VPS13A: variants seen among roughly 807,000 people sequenced by gnomAD.
The protein encoded by VPS13A is vacuolar protein sorting 13 homolog A.
In VPS13A, 264 loss-of-function variants were observed where a neutral mutation model predicts 390.9. That is an observed-to-expected ratio of 0.68 (90% confidence interval 0.61 to 0.75). The LOEUF (loss-of-function observed/expected upper bound fraction) is 0.75, where lower values mean the gene tolerates loss of function less well. Ranked by LOEUF, VPS13A falls within the 30% of genes least tolerant of loss-of-function variation. The probability of loss-of-function intolerance (pLI) is 0.00; values close to 1 mark genes in which losing one functional copy is unlikely to be tolerated. For missense variants in VPS13A, 3,409 were observed against 3,733.9 expected, an observed-to-expected ratio of 0.91 and a Z score of 2.27; for synonymous variants, 1,231 against 1,227.1, an observed-to-expected ratio of 1.00 and a Z score of -0.07.
chr9:77,229,914 A>G (rs958240375), intron 17 of VPS13A, among the ~76,000 whole-genome samples: 1 of 152,188 alleles, frequency 6.6e-6, no homozygotes, highest in Non-Finnish European at 1.5e-5. Context: ...ATTTCTTCAT[A>G]TCTTCATCAA....
intron 10 of VPS13A, among the ~76,000 whole-genome samples, chr9:77,219,402 C>A (rs1426165338): frequency 6.6e-6 from 1 of 151,938 alleles, no homozygotes; most frequent in African/African-American, 2.4e-5. Context: ...TGTTCTTATT[C>A]TTTTTGGCAC....
chr9:77,249,617 A>G (rs916798750), intron 20 of VPS13A, among the ~76,000 whole-genome samples: 14 of 152,234 alleles, frequency 9.2e-5, no homozygotes, highest in South Asian at 4.1e-4. Context: ...CAGTATGCCA[A>G]TAAAGGAGAG....
At chr9:77,180,426 G>T (rs1316953424) in intron 1 of VPS13A, among the ~76,000 whole-genome samples, 1 of 152,166 alleles carries the variant, frequency 6.6e-6, no homozygotes. Context: ...CTTTTGCAGA[G>T]CATACATTTT....
At chr9:77,358,522 A>G in intron 57 of VPS13A, 84 bp downstream of exon 57, 3 of 1,190,836 alleles carry the variant, frequency 2.5e-6, no homozygotes, top group Non-Finnish European at 1.2e-6. Context: ...AAGTGAAACC[A>G]TTCTTGGGTT....
intron 45 of VPS13A, among the ~76,000 whole-genome samples, chr9:77,323,848 T>C (rs895100204): frequency 9.2e-5 from 14 of 151,760 alleles, no homozygotes; most frequent in African/African-American, 2.4e-4. Flanking sequence ...TGTCAACTTA[T>C]GTGTATCCAT....
intron 1 of VPS13A, among the ~76,000 whole-genome samples, chr9:77,185,071 G>A (rs141341009): frequency 9.2e-5 from 14 of 152,092 alleles, no homozygotes; most frequent in Admixed American, 4.6e-4. Context: ...CACAGCCTGC[G>A]ACTTGTGACT....
chr9:77,345,432 GTC>G (rs374544887), intron 52 of VPS13A, among the ~76,000 whole-genome samples: 29 of 152,242 alleles, frequency 1.9e-4, no homozygotes, highest in East Asian at 1.3e-3. Flanking sequence ...TTTGTTAGGA[GTC>G]TCTGAATTTT....
chr9:77,237,742 A>G (rs1403952806), intron 17 of VPS13A, among the ~76,000 whole-genome samples: 1 of 152,240 alleles, frequency 6.6e-6, no homozygotes, highest in African/African-American at 2.4e-5. Context: ...TCAGTTTTAC[A>G]TTAAGCATTG....
Position 77,416,150 on chromosome 9 carries a change from A to G in VPS13A, c.*144A>G. On this transcript the variant is annotated 3_prime_UTR_variant, in exon 72 of 72. Transcript: ENST00000360280. The stretch of plus-strand genomic sequence containing the variant: ...CTAAAAAACAAAAACAAACAAAAAA[A>G]CAAAAACAAAAAAACAAAACCAGAA... 6 of 1,000,618 alleles carry G rather than the reference A, an allele frequency of 6.0e-6. No homozygotes were observed. The highest frequency in any genetic ancestry group is 9.0e-6 in the Non-Finnish European group (6 of 663,590). The allele number at this position is 1,000,618 out of a possible 1,614,324, so 62.0% of individuals were successfully genotyped here.
intron 68 of VPS13A, among the ~76,000 whole-genome samples, chr9:77,384,028 A>G (rs532014605): frequency 7.9e-5 from 12 of 151,292 alleles, no homozygotes; most frequent in African/African-American, 2.7e-4. Flanking sequence ...ATATGTAAAT[A>G]CCAGTACTGT....
chr9:77,278,487 A>C (rs770735878), intron 26 of VPS13A, among the ~76,000 whole-genome samples: 1 of 152,200 alleles, frequency 6.6e-6, no homozygotes, highest in Non-Finnish European at 1.5e-5. Context: ...TATTTCTGTA[A>C]TATTTTTGTT....
chr9:77,366,964 C>T (rs913572332), intron 61 of VPS13A, 92 bp downstream of exon 61: 43 of 1,333,244 alleles, frequency 3.2e-5, no homozygotes, highest in Admixed American at 1.5e-4. Flanking sequence ...GTGTGAAGTA[C>T]GTTGCAGATC....
intron 68 of VPS13A, chr9:77,385,223 CAT>C (rs1262407287): frequency 1.2e-6 from 1 of 860,196 alleles, no homozygotes; most frequent in Non-Finnish European, 1.4e-6. Flanking sequence ...ATCCCCAAAT[CAT>C]ATAGATTGAA....
At chr9:77,317,402 C>T (rs1276146894) in intron 39 of VPS13A, among the ~76,000 whole-genome samples, 1 of 151,882 alleles carries the variant, frequency 6.6e-6, no homozygotes, top group Non-Finnish European at 1.5e-5. Context: ...GATAAAACTT[C>T]TATTACTGTG....
intron 54 of VPS13A, 121 bp from the exon 55 acceptor site, chr9:77,356,593 A>C (rs1831792439): frequency 2.8e-6 from 3 of 1,089,096 alleles, no homozygotes; most frequent in Non-Finnish European, 4.0e-6. Context: ...TAATATGCTC[A>C]CTTGTAATTG....
chr9:77,275,714 A>T (rs926784724), intron 25 of VPS13A, 62 bp downstream of exon 25: 15 of 1,525,056 alleles, frequency 9.8e-6, no homozygotes, highest in Non-Finnish European at 1.4e-5. Flanking sequence ...TTTACAGCTT[A>T]CTATATAGTC....
rs1363406096 is a variant in VPS13A, at chr9:77,275,803, G to GC, written c.2667+159dup. 3.1e-4 allele frequency: 283 copies of GC among 913,104 alleles called. 1 individual carries two copies. The highest frequency in any genetic ancestry group is 7.4e-4 in the African/African-American group (42 of 56,708). The allele number at this position is 913,104 out of a possible 1,614,324, so 56.6% of individuals were successfully genotyped here. On this transcript the variant is annotated intron_variant, in intron 25 of 71. Transcript: ENST00000360280. ...GCTGTGTGATTCTTGGTCACTCCCC[G>GC]CCCCCCCCTTTTTTTTTTAAATAAG... is the stretch of plus-strand genomic sequence containing the variant.
chr9:77,339,568 G>C lies in VPS13A; in HGVS notation c.6431G>C (p.Cys2144Ser). 6.4e-7 allele frequency: 1 copy of C among 1,571,504 alleles called. No homozygotes were observed. The highest frequency in any genetic ancestry group is 8.6e-7 in the Non-Finnish European group (1 of 1,156,790). The change falls in exon 48 of 72, where the codon TGT (cysteine) becomes TCT (serine). Residue 2144 changes from cysteine (C) to serine (S), a missense_variant. Coordinates refer to ENST00000360280, the MANE Select transcript of VPS13A (RefSeq NM_033305.3). ...TLSEGHSAQI[C>S]TAQLGKARLH... ...AGTGAAGGACATTCAGCCCAGATTT[G>C]TACTGCACAGTTGGGTAAAGCCAGG...
intron 22 of VPS13A, among the ~76,000 whole-genome samples, chr9:77,253,001 T>C (rs892159389): frequency 6.6e-6 from 1 of 152,206 alleles, no homozygotes; most frequent in Non-Finnish European, 1.5e-5. Context: ...TACTCAGAAG[T>C]AGAATTGCTG....
Sources: allele counts gnomAD v4.1 joint callset (sites outside exome capture counted in the v4.1 genomes callset), GRCh38; gene constraint gnomAD v4.1.1; transcripts MANE v1.5; gene names NCBI Gene and HGNC (gene_info 2026-07-23, HGNC 2026-07-21).